XDH: variants seen among roughly 807,000 people sequenced by gnomAD.
The protein encoded by XDH is xanthine dehydrogenase/oxidase.
A neutral mutation model predicts 156.1 loss-of-function variants in XDH; 138 were observed. The observed-to-expected ratio is 0.88, with a 90% confidence interval of 0.77 to 1.02. XDH has a LOEUF of 1.02. XDH is among the 50% of genes least tolerant of loss of function. The pLI, the probability that XDH is intolerant of heterozygous loss-of-function variation, is 0.00. For synonymous variants in XDH, 669 were observed against 625.7 expected, an observed-to-expected ratio of 1.07 and a Z score of -1.03; for missense variants, 1,849 against 1,684.9, an observed-to-expected ratio of 1.10 and a Z score of -1.71.
At position 31,342,260 on chromosome 2, in the gene XDH, C is replaced by T. The variant is rs754217551; in HGVS notation, c.3442G>A (p.Gly1148Arg). 1.9e-6 allele frequency: 3 copies of T among 1,614,144 alleles called. No homozygotes were observed. The highest frequency in any genetic ancestry group is 2.5e-6 in the Non-Finnish European group (3 of 1,180,018). The change falls in exon 32 of 36, where the codon GGG (glycine) becomes AGG (arginine). Residue 1148 changes from glycine to arginine, a missense_variant. Coordinates refer to ENST00000379416, the MANE Select transcript of XDH (RefSeq NM_000379.4). ...NLGYSFETNSGNPFHYFSYGV... is the reference protein window; with the variant it reads ...NLGYSFETNSRNPFHYFSYGV... ...TAGCTGAAGTAGTGGAAGGGGTTCC[C>T]TGAGTTAGTCTCAAAGCTGTAGCCC...
chr2:31,335,912 G>C lies in XDH; in HGVS notation c.*46C>G. ...CTGTGGTATGTTCCTCCTGCTCCAT[G>C]GAAGCCCAAAGGCAGCACAAGAAGA... On this transcript the variant is annotated 3_prime_UTR_variant, in exon 36 of 36. Coordinates refer to ENST00000379416, the MANE Select transcript of XDH (RefSeq NM_000379.4). 1 of 1,602,478 alleles carries C rather than the reference G, an allele frequency of 6.2e-7. No homozygotes were observed. The highest frequency in any genetic ancestry group is 1.3e-5 in the African/African-American group (1 of 74,730).
At chr2:31,373,215 A>G (rs1467222891) in intron 16 of XDH, among the ~76,000 whole-genome samples, 1 of 152,242 alleles carries the variant, frequency 6.6e-6, no homozygotes, top group Non-Finnish European at 1.5e-5. Flanking sequence ...CAATTAGGAA[A>G]TGGCAGAGTG....
chr2:31,346,849 G>A lies in XDH; in HGVS notation c.3277-6C>T, dbSNP rs950784533. ...AAGATGGTCTGACAAGCCGCCTAAA[G>A]TAAACACCCCCCACACCCCAGACAC... On this transcript the variant is annotated splice_region_variant and splice_polypyrimidine_tract_variant and intron_variant, in intron 29 of 35. Transcript: ENST00000379416. 4 of 1,613,822 alleles carry A rather than the reference G, an allele frequency of 2.5e-6. No homozygotes were observed. The highest frequency in any genetic ancestry group is 2.7e-5 in the African/African-American group (2 of 74,840).
chr2:31,398,497 AC>A (rs1338091126), intron 5 of XDH, 75 bp downstream of exon 5: 1 of 1,607,752 alleles, frequency 6.2e-7, no homozygotes, highest in East Asian at 2.2e-5. Context: ...CATGCTTCTC[AC>A]CCTGGCACTT....
chr2:31,341,755 T>G (rs897172680), intron 32 of XDH, among the ~76,000 whole-genome samples: 25 of 152,228 alleles, frequency 1.6e-4, no homozygotes, highest in Non-Finnish European at 2.6e-4. Flanking sequence ...CTACGTTCCA[T>G]GGGCTAAATC....
At chr2:31,346,687 T>C in intron 30 of XDH, 82 bp downstream of exon 30, 1 of 1,516,622 alleles carries the variant, frequency 6.6e-7, no homozygotes, top group Non-Finnish European at 9.2e-7. Flanking sequence ...TGTCTCCTAT[T>C]ACTTGTTCGG....
intron 6 of XDH, among the ~76,000 whole-genome samples, chr2:31,392,671 C>A (rs1439190139): frequency 6.6e-6 from 1 of 152,150 alleles, no homozygotes; most frequent in African/African-American, 2.4e-5. Flanking sequence ...GATCCGCCCG[C>A]CTCATCCTCC....
At chr2:31,378,345 C>T (rs1381405953) in intron 13 of XDH, among the ~76,000 whole-genome samples, 1 of 152,100 alleles carries the variant, frequency 6.6e-6, no homozygotes, top group Non-Finnish European at 1.5e-5. Flanking sequence ...AGGAAAGAGC[C>T]ACCTGACTTC....
At chr2:31,352,702 A>G (rs1685516862) in intron 24 of XDH, among the ~76,000 whole-genome samples, 1 of 152,196 alleles carries the variant, frequency 6.6e-6, no homozygotes, top group Admixed American at 6.5e-5. Context: ...TTTTTCCCAT[A>G]CCAGAAAGCA....
chr2:31,336,799 A>C, intron 35 of XDH, among the ~76,000 whole-genome samples: 1 of 147,554 alleles, frequency 6.8e-6, no homozygotes, highest in Non-Finnish European at 1.5e-5. Context: ...TAAATCCAAA[A>C]AGCATATCGA....
At chr2:31,381,087 C>T (rs967921141) in intron 12 of XDH, among the ~76,000 whole-genome samples, 8 of 150,308 alleles carry the variant, frequency 5.3e-5, no homozygotes, top group African/African-American at 2.0e-4. Flanking sequence ...CCTCCGCTTC[C>T]CAGGTTCAAG....
rs1194802683 is a variant in XDH at position 31,375,631 on chromosome 2, G to A, written c.1428-77C>T. ...CTTTGTGTAGAGCTGTGTGCCCAGG[G>A]CCTCGGAGCTGTACAAAGCTTGGTT... On this transcript the variant is annotated intron_variant, in intron 14 of 35. Transcript: ENST00000379416. The A allele has an allele frequency of 5.9e-6, 9 of 1,523,442 alleles. No homozygotes were observed. In the Admixed American group the frequency reaches 1.2e-4, roughly 20 times the overall value. 94.4% of individuals were successfully genotyped at this position (1,523,442 alleles called of 1,614,324 possible).
intron 31 of XDH, among the ~76,000 whole-genome samples, chr2:31,343,819 C>CAT (rs56050920): frequency 0.095 from 14,213 of 149,230 alleles, 1,017 homozygotes; most frequent in African/African-American, 0.2. Flanking sequence ...ATATGCCTAA[C>CAT]ATATATATGT....
At chr2:31,347,703 G>A in intron 28 of XDH, 53 bp from the exon 29 acceptor site, 1 of 1,592,974 alleles carries the variant, frequency 6.3e-7, no homozygotes, top group Non-Finnish European at 8.6e-7. Flanking sequence ...ATGGGGCTTG[G>A]CTGCCTTCTC....
rs549159657 is a variant in XDH at position 31,391,538 on chromosome 2, A to T, written c.496-3243T>A. On this transcript the variant is annotated intron_variant, in intron 6 of 35. Transcript: ENST00000379416. Reference sequence around the variant, plus strand: ...GGATCAATTTGTTGATAGCCACAAAATAATTTACTGGGATTTTGATTGGGA... The same window carrying T: ...GGATCAATTTGTTGATAGCCACAAATTAATTTACTGGGATTTTGATTGGGA... 2.0e-5 allele frequency among the ~76,000 whole-genome samples: 3 copies of T among 152,332 alleles called. No individual in the cohort carries two copies. In the East Asian group the frequency reaches 5.8e-4, roughly 29 times the overall value.
At chr2:31,372,142 G>A (rs946993905) in intron 17 of XDH, 86 bp downstream of exon 17, 3 of 1,600,968 alleles carry the variant, frequency 1.9e-6, no homozygotes, top group Admixed American at 3.3e-5. Flanking sequence ...CATCTCCATG[G>A]CCTAGCAGGG....
At chr2:31,410,201 G>A (rs1687302578) in intron 1 of XDH, among the ~76,000 whole-genome samples, 1 of 152,132 alleles carries the variant, frequency 6.6e-6, no homozygotes. Context: ...AAAAATGATG[G>A]TTTCCAGGGA....
chr2:31,349,573 C>G lies in XDH; in HGVS notation c.2969+113G>C, dbSNP rs186750395. Reference sequence around the variant, plus strand: ...ATGGCTGTGAATGAGTTGGCAAACTCAGCAGTCTCATAAGTTATCCATTGA... The same window carrying G: ...ATGGCTGTGAATGAGTTGGCAAACTGAGCAGTCTCATAAGTTATCCATTGA... On this transcript the variant is annotated intron_variant, in intron 26 of 35. Transcript: ENST00000379416. The G allele has an allele frequency of 5.7e-4, 849 of 1,488,652 alleles. 7 individuals carry two copies. In the African/African-American group the frequency reaches 0.01, roughly 18 times the overall value. The allele number at this position is 1,488,652 out of a possible 1,614,324, so 92.2% of individuals were successfully genotyped here. A position where few individuals can be genotyped will look rare whatever the true frequency, so the allele number is the denominator to read the frequency against.
intron 1 of XDH, among the ~76,000 whole-genome samples, chr2:31,410,343 A>C (rs1395767146): frequency 6.6e-6 from 1 of 152,184 alleles, no homozygotes; most frequent in East Asian, 1.9e-4. Context: ...ATACCACTGA[A>C]CTGTACACAT....
Sources: gnomAD v4.1 joint callset for allele counts (sites outside exome capture counted in the v4.1 genomes callset) on GRCh38, gnomAD v4.1.1 for gene constraint, MANE v1.5 for transcripts, NCBI Gene and HGNC (gene_info 2026-07-23, HGNC 2026-07-21) for gene names.